The following COG5 variants were observed in gnomAD, a reference collection of about 807,000 sequenced individuals.
COG5 encodes the protein conserved oligomeric Golgi complex subunit 5.
COG5 carries 86 observed loss-of-function variants against 110.4 expected under a neutral mutation model. That is an observed-to-expected ratio of 0.78 (90% CI 0.65 to 0.93). The LOEUF (loss-of-function observed/expected upper bound fraction) is 0.93. Among genes scored for constraint, COG5 ranks in the 40% least tolerant of loss-of-function variants. The pLI is 0.00. For synonymous variants in COG5, 360 were observed against 334.6 expected (o/e 1.08, Z -0.83); for missense variants, 1,077 against 987.0 (o/e 1.09, Z -1.22).
intron 11 of COG5, among the ~76,000 whole-genome samples, chr7:107,312,234 G>T (rs976396378): frequency 2.0e-5 from 3 of 152,134 alleles, no homozygotes; most frequent in Non-Finnish European, 4.4e-5. Context: ...CTCTTCAGAG[G>T]TCCTTCAAAT....
In COG5 at chr7:107,205,154, G is replaced by C. The variant is rs548968982; in HGVS notation, c.2376-1524C>G. 3.2e-3 allele frequency among the ~76,000 whole-genome samples: 485 copies of C among 152,308 alleles called. 8 individuals are homozygous for C. Among genetic ancestry groups the C allele is most frequent in the Non-Finnish European group, 4.3e-3 (295 of 68,020 alleles). On this transcript the variant is annotated intron_variant, in intron 21 of 21. Transcript: ENST00000297135. ...TGGTCAGTCTTCCATATTATAGCAA[G>C]AGATTTCCCCTGAAGTATTACAGCA...
chr7:107,379,564 G>A lies in COG5; in HGVS notation c.670-6804C>T, dbSNP rs192240212. On this transcript the variant is annotated intron_variant, in intron 7 of 21. Coordinates refer to ENST00000297135, the MANE Select transcript of COG5 (RefSeq NM_006348.5). The stretch of plus-strand genomic sequence containing the variant: ...ATGACACACACAGGCTCAAAATAAA[G>A]GGATGCAGGAATATTTACCAAGCAA... Among the ~76,000 whole-genome samples the A allele has an allele frequency of 2.7e-5, 4 of 149,450 alleles. No homozygotes were observed. The East Asian group carries it at 7.9e-4, about 29-fold the overall frequency.
chr7:107,395,425 A>G (rs1790913386), intron 7 of COG5, among the ~76,000 whole-genome samples: 1 of 152,158 alleles, frequency 6.6e-6, no homozygotes, highest in African/African-American at 2.4e-5. Flanking sequence ...CTCAAGCAAA[A>G]ATTCAAAGTA....
chr7:107,371,393 C>T (rs1401708477), intron 8 of COG5, among the ~76,000 whole-genome samples: 1 of 151,910 alleles, frequency 6.6e-6, no homozygotes, highest in Non-Finnish European at 1.5e-5. Context: ...AGTTCAAGAC[C>T]AACTGGGGCA....
At chr7:107,399,254 C>A (rs578238389) in intron 7 of COG5, among the ~76,000 whole-genome samples, 1 of 151,896 alleles carries the variant, frequency 6.6e-6, no homozygotes, top group African/African-American at 2.4e-5. Flanking sequence ...TCAAACTATA[C>A]ATTAAAAGTG....
intron 6 of COG5, among the ~76,000 whole-genome samples, chr7:107,509,563 C>A (rs1036264145): frequency 5.9e-5 from 9 of 152,106 alleles, no homozygotes; most frequent in African/African-American, 2.2e-4. Flanking sequence ...CAAAGATGCT[C>A]CTCGAGAAGA....
At chr7:107,221,815 T>C (rs1169095257) in intron 19 of COG5, among the ~76,000 whole-genome samples, 1 of 151,870 alleles carries the variant, frequency 6.6e-6, no homozygotes, top group South Asian at 2.1e-4. Flanking sequence ...AATTGATACA[T>C]TTTCTTCCTT....
At chr7:107,403,770 C>T (rs1194754588) in intron 7 of COG5, among the ~76,000 whole-genome samples, 5 of 151,984 alleles carry the variant, frequency 3.3e-5, no homozygotes, top group Non-Finnish European at 5.9e-5. Context: ...TCCCAAAGGC[C>T]GACCTCCAAA....
chr7:107,437,718 T>C (rs1794453075), intron 6 of COG5, among the ~76,000 whole-genome samples: 1 of 152,180 alleles, frequency 6.6e-6, no homozygotes, highest in Non-Finnish European at 1.5e-5. Context: ...TTTTAAACCA[T>C]AATCAAATCA....
intron 10 of COG5, among the ~76,000 whole-genome samples, chr7:107,333,624 T>C (rs574365374): frequency 6.6e-6 from 1 of 152,282 alleles, no homozygotes; most frequent in Admixed American, 6.5e-5. Flanking sequence ...ACAGATAGCA[T>C]TTATTAAAAT....
intron 3 of COG5, among the ~76,000 whole-genome samples, chr7:107,552,994 C>T (rs1803035412): frequency 6.6e-6 from 1 of 152,116 alleles, no homozygotes; most frequent in Non-Finnish European, 1.5e-5. Context: ...TTATCCTAAG[C>T]AAATTAAGGC....
chr7:107,562,364 T>C (rs780913535), intron 1 of COG5, among the ~76,000 whole-genome samples: 8 of 152,234 alleles, frequency 5.3e-5, no homozygotes, highest in Non-Finnish European at 1.0e-4. Context: ...GGGGAAGTCC[T>C]GTCTACAGTT....
At chr7:107,524,961 G>A (rs886903311) in intron 6 of COG5, among the ~76,000 whole-genome samples, 6 of 151,832 alleles carry the variant, frequency 4.0e-5, no homozygotes, top group African/African-American at 1.5e-4. Flanking sequence ...ACAGAGTCTT[G>A]CTCTGTCACC....
chr7:107,385,094 G>A (rs1463432238), intron 7 of COG5, among the ~76,000 whole-genome samples: 1 of 152,192 alleles, frequency 6.6e-6, no homozygotes, highest in Non-Finnish European at 1.5e-5. Context: ...GCCAATGACT[G>A]ATGTCCTTTT....
chr7:107,333,384 T>C (rs1810436753), intron 10 of COG5, among the ~76,000 whole-genome samples: 1 of 151,980 alleles, frequency 6.6e-6, no homozygotes, highest in African/African-American at 2.4e-5. Flanking sequence ...CAGAGCAAAG[T>C]AAGAAACCCT....
At chr7:107,472,780 G>C (rs1796715569) in intron 6 of COG5, 1 of 151,826 alleles carries the variant, frequency 6.6e-6, no homozygotes, top group Non-Finnish European at 1.5e-5. Flanking sequence ...AACATTAAGT[G>C]AAAGTTAACA....
intron 6 of COG5, among the ~76,000 whole-genome samples, chr7:107,438,604 A>C (rs1411069864): frequency 6.6e-6 from 1 of 152,204 alleles, no homozygotes; most frequent in Non-Finnish European, 1.5e-5. Context: ...AGGACTGAGA[A>C]GTTATATTTC....
chr7:107,222,419 T>C (rs1800004663), intron 19 of COG5, among the ~76,000 whole-genome samples: 2 of 152,192 alleles, frequency 1.3e-5, no homozygotes, highest in South Asian at 4.1e-4. Context: ...CTGGCCAGGC[T>C]GGTCTCAAAC....
At chr7:107,343,140 C>A (rs544106697) in intron 10 of COG5, among the ~76,000 whole-genome samples, 1 of 152,186 alleles carries the variant, frequency 6.6e-6, no homozygotes, top group South Asian at 2.1e-4. Flanking sequence ...TACCACATGT[C>A]CTCAGTTATA....
Sources: gnomAD v4.1 joint callset for allele counts (sites outside exome capture counted in the v4.1 genomes callset) on GRCh38, gnomAD v4.1.1 for gene constraint, MANE v1.5 for transcripts, NCBI Gene and HGNC (gene_info 2026-07-23, HGNC 2026-07-21) for gene names.